The following AIM2 variants were observed in gnomAD, a reference collection of about 807,000 sequenced individuals.
AIM2 encodes interferon-inducible protein AIM2.
A neutral mutation model predicts 27.7 loss-of-function variants in AIM2; 30 were observed. The observed-to-expected ratio is 1.08, with a 90% CI of 0.81 to 1.47. The LOEUF is 1.47. AIM2 is among the 40% of genes most tolerant of loss of function. The probability of loss-of-function intolerance (pLI) is 0.00; values close to 1 mark genes in which losing one functional copy is unlikely to be tolerated. For synonymous variants in AIM2, 141 were observed against 145.3 expected (o/e 0.97, Z 0.21); for missense variants, 358 against 411.3 (o/e 0.87, Z 1.12).
intron 1 of AIM2, among the ~76,000 whole-genome samples, chr1:159,086,086 G>C (rs1327711747): frequency 1.3e-5 from 2 of 152,152 alleles, no homozygotes; most frequent in Non-Finnish European, 2.9e-5. Context: ...ATAGGGCTCA[G>C]ATCTAGCAAA....
chr1:159,119,928 A>C (rs1173240205), intron 1 of AIM2, among the ~76,000 whole-genome samples: 2 of 152,144 alleles, frequency 1.3e-5, no homozygotes, highest in African/African-American at 4.8e-5. Flanking sequence ...TTAGAGATAC[A>C]TTATATAGAT....
At chr1:159,068,989 A>T (rs1288125654) in intron 2 of AIM2, among the ~76,000 whole-genome samples, 1 of 152,096 alleles carries the variant, frequency 6.6e-6, no homozygotes, top group Non-Finnish European at 1.5e-5. Flanking sequence ...AAATATTTTC[A>T]AAATTAGCCA....
chr1:159,120,743 A>G (rs1647516009), intron 1 of AIM2, among the ~76,000 whole-genome samples: 1 of 152,162 alleles, frequency 6.6e-6, no homozygotes. Context: ...GACTGTTGGA[A>G]GGAAAGGCTG....
chr1:159,055,455 A>G, the AIM2 span, among the ~76,000 whole-genome samples: 1 of 152,238 alleles, frequency 6.6e-6, no homozygotes, highest in African/African-American at 2.4e-5. Context: ...TGGAGGGGGC[A>G]TAATTGGGTA....
chr1:159,097,675 C>T (rs1241227517), intron 1 of AIM2, among the ~76,000 whole-genome samples: 1 of 152,152 alleles, frequency 6.6e-6, no homozygotes, highest in East Asian at 1.9e-4. Flanking sequence ...TTTAAATTTC[C>T]TTATCTGTCA....
upstream of AIM2, among the ~76,000 whole-genome samples, chr1:159,145,167 T>C: frequency 6.6e-6 from 1 of 152,150 alleles, no homozygotes; most frequent in East Asian, 1.9e-4. Context: ...CTTTGCAATG[T>C]CAGGCCTATA....
chr1:159,103,689 C>A (rs1269074529), intron 1 of AIM2, among the ~76,000 whole-genome samples: 1 of 152,190 alleles, frequency 6.6e-6, no homozygotes, highest in Non-Finnish European at 1.5e-5. Flanking sequence ...AAGAGAGATA[C>A]ACTAACTCCT....
chr1:159,055,838 GTTGA>G, the AIM2 span, among the ~76,000 whole-genome samples: 2 of 152,196 alleles, frequency 1.3e-5, no homozygotes, highest in Non-Finnish European at 2.9e-5. Context: ...GTTCTAGAAG[GTTGA>G]TTGTTTTCTC....
At chr1:159,076,337 T>C (rs1203435145) in intron 1 of AIM2, among the ~76,000 whole-genome samples, 2 of 152,246 alleles carry the variant, frequency 1.3e-5, no homozygotes, top group Non-Finnish European at 2.9e-5. Context: ...ATAATATCTG[T>C]TAACTTAAAA....
intron 1 of AIM2, among the ~76,000 whole-genome samples, chr1:159,082,908 A>G (rs1211330479): frequency 6.6e-6 from 1 of 152,198 alleles, no homozygotes; most frequent in Non-Finnish European, 1.5e-5. Flanking sequence ...GGAAAGCTCA[A>G]AAAAGAATAT....
Position 159,090,887 on chromosome 1 carries a change from T to C in AIM2, c.-15-24558A>G, listed in dbSNP as rs1291646187. Among the ~76,000 whole-genome samples, 3 of 152,052 alleles carry C rather than the reference T, an allele frequency of 2.0e-5. No homozygotes were observed. The East Asian group carries it at 5.8e-4, about 29-fold the overall frequency. On this transcript the variant is annotated intron_variant, in intron 1 of 2. Coordinates refer to the AIM2 transcript ENST00000368129. ...CTTTCCCTAAGCAACCTCTACCACA[T>C]TAGCATAAAGTGTCTGAGTTTCAAA...
intron 2 of AIM2, among the ~76,000 whole-genome samples, chr1:159,070,252 T>C (rs1432463620): frequency 6.6e-6 from 1 of 152,224 alleles, no homozygotes; most frequent in African/African-American, 2.4e-5. Flanking sequence ...TGTACAAAAT[T>C]TGGATTTGTT....
At chr1:159,115,472 G>C (rs1647308015) in intron 1 of AIM2, among the ~76,000 whole-genome samples, 1 of 152,100 alleles carries the variant, frequency 6.6e-6, no homozygotes, top group African/African-American at 2.4e-5. Flanking sequence ...CATGGTACTG[G>C]TACAAAAACA....
At chr1:159,086,156 C>T (rs538978397) in intron 1 of AIM2, among the ~76,000 whole-genome samples, 58 of 152,260 alleles carry the variant, frequency 3.8e-4, no homozygotes, top group African/African-American at 1.4e-3. Flanking sequence ...CAGATTTTAC[C>T]CATCATTCTA....
In AIM2 at chr1:159,075,574, C is replaced by CAT. The variant is rs397862232; in HGVS notation, c.-21+1057_-21+1058dup. ...ACACACACACACACACACACACACA[C>CAT]ATATATATATGGCTATACCTGCTAT... On this transcript the variant is annotated intron_variant, in intron 1 of 5. Coordinates refer to ENST00000368130, the MANE Select transcript of AIM2 (RefSeq NM_004833.3). 6.0e-3 allele frequency among the ~76,000 whole-genome samples: 652 copies of CAT among 109,166 alleles called. 8 individuals carry two copies. Among genetic ancestry groups the CAT allele is most frequent in the African/African-American group, 0.017 (602 of 34,990 alleles). 71.6% of individuals were successfully genotyped at this position (109,166 alleles called of 152,430 possible). A position where few individuals can be genotyped will look rare whatever the true frequency, so the allele number is the denominator to read the frequency against.
chr1:159,143,654 C>T (rs1648154050), upstream of AIM2, among the ~76,000 whole-genome samples: 1 of 150,608 alleles, frequency 6.6e-6, no homozygotes, highest in Non-Finnish European at 1.5e-5. Flanking sequence ...ATATATTGTC[C>T]TATATCCAAG....
intron 1 of AIM2, among the ~76,000 whole-genome samples, chr1:159,125,880 A>G (rs1647672897): frequency 6.6e-6 from 1 of 152,158 alleles, no homozygotes; most frequent in Admixed American, 6.5e-5. Flanking sequence ...CCAGATTTCC[A>G]TGACCTTTGT....
At chr1:159,107,174 G>A (rs1460251204) in intron 1 of AIM2, among the ~76,000 whole-genome samples, 6 of 152,186 alleles carry the variant, frequency 3.9e-5, no homozygotes, top group East Asian at 1.9e-4. Flanking sequence ...CTAGTAAATC[G>A]CCATCATCTA....
intron 1 of AIM2, among the ~76,000 whole-genome samples, chr1:159,104,744 G>A (rs1387748571): frequency 3.9e-5 from 6 of 152,126 alleles, no homozygotes; most frequent in Non-Finnish European, 8.8e-5. Context: ...AATTACACAT[G>A]TGCTTGCATT....
Sources: allele counts gnomAD v4.1 joint callset (sites outside exome capture counted in the v4.1 genomes callset), GRCh38; gene constraint gnomAD v4.1.1; transcripts MANE v1.5; gene names NCBI Gene and HGNC (gene_info 2026-07-23, HGNC 2026-07-21).